The following KIRREL1 variants were observed in gnomAD, a reference collection of about 807,000 sequenced individuals.
The protein encoded by KIRREL1 is kirre like nephrin family adhesion molecule 1, also known as kin of IRRE-like protein 1.
In KIRREL1, 25 loss-of-function variants were observed where a neutral mutation model predicts 83.3. The ratio of observed to expected loss-of-function variants is 0.30; its 90% CI spans 0.22 to 0.42. KIRREL1 has a LOEUF of 0.42. KIRREL1 is among the 10% of genes least tolerant of loss of function. KIRREL1 has a pLI of 1.00. For synonymous variants in KIRREL1, 388 were observed against 410.4 expected (o/e 0.95, Z 0.66); for missense variants, 812 against 1,032.3 (o/e 0.79, Z 2.92).
chr1:158,043,229 A>G lies in KIRREL1; in HGVS notation c.53-32884A>G, dbSNP rs190876873. ...TGAGATCCACACTGGGAGAGGCTACAGATGGGAAAAGAGAGTGGATGGAAA... is the reference window on the plus strand; with the variant it reads ...TGAGATCCACACTGGGAGAGGCTACGGATGGGAAAAGAGAGTGGATGGAAA... On this transcript the variant is annotated intron_variant, in intron 1 of 14. Transcript: ENST00000359209. 2.6e-3 allele frequency among the ~76,000 whole-genome samples: 390 copies of G among 152,354 alleles called. 1 individual carries two copies. The highest frequency in any genetic ancestry group is 8.8e-3 in the African/African-American group (366 of 41,580).
In KIRREL1 at chr1:157,998,299, G is replaced by A. The variant is rs1659261344; in HGVS notation, c.52+4571G>A. Among the ~76,000 whole-genome samples the A allele has an allele frequency of 1.3e-5, 2 of 152,170 alleles. 1 individual carries two copies. Among genetic ancestry groups the A allele is most frequent in the Admixed American group, 1.3e-4 (2 of 15,284 alleles). On this transcript the variant is annotated intron_variant, in intron 1 of 14. Transcript: ENST00000359209. The stretch of plus-strand genomic sequence containing the variant: ...AGAGACTGATGCTGGACTGGGACAG[G>A]GATTTTCCTGGTCCATAGCAGAATG...
chr1:158,036,812 T>C (rs1660487627), intron 1 of KIRREL1, among the ~76,000 whole-genome samples: 1 of 152,028 alleles, frequency 6.6e-6, no homozygotes, highest in African/African-American at 2.4e-5. Context: ...AGAGGGCAGT[T>C]TGGGGTGGAC....
At chr1:158,003,577 C>A (rs935104068) in intron 1 of KIRREL1, among the ~76,000 whole-genome samples, 3 of 152,170 alleles carry the variant, frequency 2.0e-5, no homozygotes, top group African/African-American at 4.8e-5. Context: ...CCCTCCCACA[C>A]ACACACACTC....
chr1:158,070,774 GA>G (rs1661489751), intron 1 of KIRREL1, among the ~76,000 whole-genome samples: 1 of 152,038 alleles, frequency 6.6e-6, no homozygotes, highest in Admixed American at 6.5e-5. Context: ...GCTGGTGGGC[GA>G]TTAGGGTTAC....
At chr1:158,060,402 A>G (rs1661183448) in intron 1 of KIRREL1, among the ~76,000 whole-genome samples, 1 of 151,880 alleles carries the variant, frequency 6.6e-6, no homozygotes, top group Admixed American at 6.6e-5. Flanking sequence ...TCACACTTCT[A>G]TCTTTCATGC....
intron 1 of KIRREL1, among the ~76,000 whole-genome samples, chr1:158,038,274 C>G (rs1289363204): frequency 1.3e-5 from 2 of 152,208 alleles, no homozygotes; most frequent in African/African-American, 4.8e-5. Context: ...CCGCACTGCT[C>G]TGGTCCCTGG....
intron 1 of KIRREL1, among the ~76,000 whole-genome samples, chr1:158,022,004 G>C (rs1660014448): frequency 6.6e-6 from 1 of 152,020 alleles, no homozygotes; most frequent in African/African-American, 2.4e-5. Context: ...GGATTGTAAG[G>C]GGAGAAAGAA....
rs1250219152 is a variant in KIRREL1 at position 158,008,828 on chromosome 1, G to T, written c.52+15100G>T. The stretch of plus-strand genomic sequence containing the variant: ...TCGAGTCACAACAAATTAAATCCAG[G>T]TCTGTCTGGTTAGTTGTAAAGGTCA... On this transcript the variant is annotated intron_variant, in intron 1 of 14. Transcript: ENST00000359209. Among the ~76,000 whole-genome samples, 3 of 152,124 alleles carry T rather than the reference G, an allele frequency of 2.0e-5. No individual in the cohort carries two copies. The East Asian group carries it at 5.8e-4, about 29-fold the overall frequency.
intron 1 of KIRREL1, among the ~76,000 whole-genome samples, chr1:157,996,855 A>T (rs1055805323): frequency 6.6e-6 from 1 of 152,092 alleles, no homozygotes; most frequent in South Asian, 2.1e-4. Flanking sequence ...TGAACCAAGT[A>T]CTCAGTGCCT....
chr1:158,000,001 A>T (rs915118651), intron 1 of KIRREL1, among the ~76,000 whole-genome samples: 9 of 151,434 alleles, frequency 5.9e-5, no homozygotes, highest in Non-Finnish European at 1.2e-4. Flanking sequence ...AGTTAAGCAG[A>T]TTGTCCAAGA....
intron 1 of KIRREL1, among the ~76,000 whole-genome samples, chr1:158,073,270 C>T (rs1198587145): frequency 6.6e-6 from 1 of 152,160 alleles, no homozygotes; most frequent in African/African-American, 2.4e-5. Flanking sequence ...TGTGTCTGGA[C>T]TGAATTGCTT....
chr1:158,047,754 G>A (rs909784805), intron 1 of KIRREL1, among the ~76,000 whole-genome samples: 1 of 152,058 alleles, frequency 6.6e-6, no homozygotes, highest in Admixed American at 6.6e-5. Context: ...CGGTTCATGA[G>A]TCCCTGGTCC....
intron 8 of KIRREL1, 151 bp downstream of exon 8, chr1:158,088,605 C>T (rs991849401): frequency 2.3e-5 from 14 of 614,308 alleles, no homozygotes; most frequent in Non-Finnish European, 3.2e-5. Flanking sequence ...CTGCCTCAGC[C>T]TCCCGAGTAG....
chr1:158,086,718 G>C lies in KIRREL1; in HGVS notation c.633G>C (p.Lys211Asn). ...RSMNEAIPSGKETSIELDVHH... is the reference protein window; with the variant it reads ...RSMNEAIPSGNETSIELDVHH... ...TGAACGAAGCCATCCCTAGTGGCAA[G>C]GAGACTTCCATCGAGCTGGATGTGC... is the stretch of plus-strand genomic sequence containing the variant. Residue 211 changes from lysine (K) to asparagine (N), a missense_variant, in exon 5 of 15, where the codon AAG (lysine) becomes AAC (asparagine). Coordinates refer to ENST00000359209, the MANE Select transcript of KIRREL1 (RefSeq NM_018240.7). The C allele has an allele frequency of 6.4e-7, 1 of 1,551,664 alleles. No individual in the cohort carries two copies. Among genetic ancestry groups the C allele is most frequent in the Non-Finnish European group, 8.7e-7 (1 of 1,146,996 alleles).
chr1:158,044,080 A>C (rs1304917660), intron 1 of KIRREL1, among the ~76,000 whole-genome samples: 1 of 152,228 alleles, frequency 6.6e-6, no homozygotes, highest in Admixed American at 6.5e-5. Context: ...ACTGGATGCC[A>C]ACCGCATACC....
chr1:158,016,450 A>G (rs1332165905), intron 1 of KIRREL1, among the ~76,000 whole-genome samples: 1 of 152,220 alleles, frequency 6.6e-6, no homozygotes, highest in African/African-American at 2.4e-5. Context: ...CAGCAGTTAA[A>G]GGCAGTAACT....
chr1:158,051,412 G>A (rs141827509), intron 1 of KIRREL1, among the ~76,000 whole-genome samples: 37 of 152,162 alleles, frequency 2.4e-4, no homozygotes, highest in Admixed American at 2.6e-4. Flanking sequence ...ACCTATAGAC[G>A]ACAGAAGTGG....
intron 1 of KIRREL1, among the ~76,000 whole-genome samples, chr1:158,043,049 C>CTGCACTCCA (rs1352211104): frequency 2.0e-5 from 3 of 148,126 alleles, no homozygotes; most frequent in African/African-American, 7.5e-5. Flanking sequence ...GATTGCACCA[C>CTGCACTCCA]TGCACTCCAG....
intron 1 of KIRREL1, among the ~76,000 whole-genome samples, chr1:158,053,858 G>A (rs1005836221): frequency 6.6e-6 from 1 of 152,172 alleles, no homozygotes; most frequent in Admixed American, 6.5e-5. Context: ...TGAATTGATT[G>A]TTTAGGTTTC....
Sources: gnomAD v4.1 joint callset for allele counts (sites outside exome capture counted in the v4.1 genomes callset) on GRCh38, gnomAD v4.1.1 for gene constraint, MANE v1.5 for transcripts, NCBI Gene and HGNC (gene_info 2026-07-23, HGNC 2026-07-21) for gene names.